ZDHHC14: variants seen among roughly 807,000 people sequenced by gnomAD.
ZDHHC14 encodes palmitoyltransferase ZDHHC14.
In ZDHHC14, 16 loss-of-function variants were observed where a neutral mutation model predicts 47.7. That is an observed-to-expected ratio of 0.34 (90% CI 0.23 to 0.51). The LOEUF (loss-of-function observed/expected upper bound fraction) is 0.51. ZDHHC14 is among the 20% of genes least tolerant of loss of function. ZDHHC14 has a pLI of 0.97. For missense variants in ZDHHC14, 515 were observed against 662.5 expected, an observed-to-expected ratio of 0.78 and a Z score of 2.44; for synonymous variants, 293 against 278.9, an observed-to-expected ratio of 1.05 and a Z score of -0.50.
intron 2 of ZDHHC14, among the ~76,000 whole-genome samples, chr6:157,591,252 T>C (rs1783898332): frequency 6.6e-6 from 1 of 152,136 alleles, no homozygotes; most frequent in African/African-American, 2.4e-5. Flanking sequence ...GACATGAGAT[T>C]TGGGAGGGGC....
chr6:157,457,335 AGTGGGAATGCTAGCTG>A (rs1354470337), intron 1 of ZDHHC14, among the ~76,000 whole-genome samples: 1 of 152,142 alleles, frequency 6.6e-6, no homozygotes, highest in Non-Finnish European at 1.5e-5. Flanking sequence ...GGAGCCCAGG[AGTGGGAATGCTAGCTG>A]GTATTGTAAA....
At chr6:157,456,562 A>C (rs1332027426) in intron 1 of ZDHHC14, among the ~76,000 whole-genome samples, 3 of 152,212 alleles carry the variant, frequency 2.0e-5, no homozygotes, top group Non-Finnish European at 4.4e-5. Context: ...AAAACTGTCA[A>C]GAATTGAGTA....
At chr6:157,560,557 GTT>G (rs562699852) in intron 2 of ZDHHC14, among the ~76,000 whole-genome samples, 21 of 151,364 alleles carry the variant, frequency 1.4e-4, no homozygotes, top group African/African-American at 3.6e-4. Flanking sequence ...ATATAAACAA[GTT>G]TTTTTTTGTG....
intron 1 of ZDHHC14, among the ~76,000 whole-genome samples, chr6:157,423,022 A>C (rs1446453078): frequency 6.6e-6 from 1 of 152,222 alleles, no homozygotes; most frequent in Admixed American, 6.5e-5. Context: ...CGATAAGGAA[A>C]ATGTTTTCCA....
chr6:157,446,599 A>AGT (rs1778674632), intron 1 of ZDHHC14, among the ~76,000 whole-genome samples: 1 of 151,720 alleles, frequency 6.6e-6, no homozygotes, highest in South Asian at 2.1e-4. Flanking sequence ...TAGTAGAGAC[A>AGT]GTGTTTCACC....
intron 2 of ZDHHC14, among the ~76,000 whole-genome samples, chr6:157,583,030 A>G (rs912320107): frequency 2.6e-5 from 4 of 151,780 alleles, no homozygotes; most frequent in African/African-American, 9.7e-5. Flanking sequence ...TTGTGATTTC[A>G]TTATGAAATT....
In ZDHHC14 at chr6:157,592,680, C is replaced by T. The variant is rs1783957305; in HGVS notation, c.407-308C>T. ...GGCCTGGGGCCTCTCCTGCCGCCTA[C>T]AGGGAGGGGAGGGGGAAGGAGGAAA... On this transcript the variant is annotated intron_variant, in intron 2 of 8. Transcript: ENST00000359775. 4 of 1,049,434 alleles carry T rather than the reference C, an allele frequency of 3.8e-6. No homozygotes were observed. In the South Asian group the frequency reaches 1.5e-4, roughly 38 times the overall value. 65.0% of individuals were successfully genotyped at this position (1,049,434 alleles called of 1,614,324 possible).
At chr6:157,465,395 T>C (rs920495058) in intron 1 of ZDHHC14, among the ~76,000 whole-genome samples, 13 of 152,106 alleles carry the variant, frequency 8.5e-5, no homozygotes, top group African/African-American at 1.2e-4. Context: ...ATCAGATCCC[T>C]TGGGGGACAG....
At chr6:157,501,439 G>A (rs980517922) in intron 1 of ZDHHC14, among the ~76,000 whole-genome samples, 1 of 151,574 alleles carries the variant, frequency 6.6e-6, no homozygotes, top group African/African-American at 2.4e-5. Context: ...GGAATCTGTT[G>A]TATTCTAAAT....
chr6:157,392,844 C>T (rs1283366287), intron 1 of ZDHHC14, among the ~76,000 whole-genome samples: 1 of 152,104 alleles, frequency 6.6e-6, no homozygotes, highest in Non-Finnish European at 1.5e-5. Flanking sequence ...CTTTCAACTG[C>T]AATGGCACTT....
At chr6:157,668,514 A>C in intron 8 of ZDHHC14, among the ~76,000 whole-genome samples, 1 of 125,844 alleles carries the variant, frequency 7.9e-6, no homozygotes, top group Non-Finnish European at 1.6e-5. Flanking sequence ...TAAAACCCCC[A>C]TCTCCACTAA....
intron 3 of ZDHHC14, among the ~76,000 whole-genome samples, chr6:157,609,489 T>C (rs113271551): frequency 2.6e-5 from 4 of 152,214 alleles, no homozygotes; most frequent in Non-Finnish European, 5.9e-5. Context: ...CTTCCCATCA[T>C]CATCTCTCTC....
intron 8 of ZDHHC14, among the ~76,000 whole-genome samples, chr6:157,665,486 C>T (rs1778514580): frequency 6.6e-6 from 1 of 152,142 alleles, no homozygotes; most frequent in African/African-American, 2.4e-5. Context: ...AAAGAGGCCC[C>T]AGGTATCTTT....
intron 1 of ZDHHC14, among the ~76,000 whole-genome samples, chr6:157,466,385 T>G (rs565096023): frequency 1.3e-5 from 2 of 152,276 alleles, no homozygotes; most frequent in South Asian, 2.1e-4. Flanking sequence ...TCCCTGGCCA[T>G]TGTGGATTCC....
At chr6:157,412,212 TAC>T (rs1163413411) in intron 1 of ZDHHC14, among the ~76,000 whole-genome samples, 1 of 152,078 alleles carries the variant, frequency 6.6e-6, no homozygotes, top group Non-Finnish European at 1.5e-5. Flanking sequence ...GTGCTGGGAT[TAC>T]AGACGTGAGC....
chr6:157,610,311 G>T (rs35488863), intron 3 of ZDHHC14, among the ~76,000 whole-genome samples: 75,023 of 151,888 alleles, frequency 0.49, 18,788 homozygotes, highest in East Asian at 0.7. Flanking sequence ...AGGTGCCTGT[G>T]GTCCCAGCTA....
At position 157,677,096 on chromosome 6, in the gene ZDHHC14, AAG is replaced by A. The variant is rs1467966382; in HGVS notation, c.*3975_*3976del. The A allele has an allele frequency of 7.9e-5, 12 of 152,192 alleles. No individual in the cohort carries two copies. Among genetic ancestry groups the A allele is most frequent in the African/African-American group, 2.7e-4 (11 of 41,448 alleles). 9.4% of individuals were successfully genotyped at this position (152,192 alleles called of 1,614,324 possible). On this transcript the variant is annotated 3_prime_UTR_variant, in exon 9 of 9. Coordinates refer to ENST00000359775, the MANE Select transcript of ZDHHC14 (RefSeq NM_024630.3). ...CAAATTGATGTTTACATTTTCTATC[AAG>A]TACACATGAGCTGTGGGAGTCTAGC...
chr6:157,605,126 A>G (rs1784487404), intron 3 of ZDHHC14, among the ~76,000 whole-genome samples: 1 of 152,262 alleles, frequency 6.6e-6, no homozygotes, highest in African/African-American at 2.4e-5. Context: ...ATAGTGAATA[A>G]TAACCCATGT....
At chr6:157,590,294 C>T (rs1783858688) in intron 2 of ZDHHC14, among the ~76,000 whole-genome samples, 1 of 152,180 alleles carries the variant, frequency 6.6e-6, no homozygotes, top group Non-Finnish European at 1.5e-5. Flanking sequence ...GTCTCCAGAG[C>T]ATGTCAGAGA....
Sources: allele counts gnomAD v4.1 joint callset (sites outside exome capture counted in the v4.1 genomes callset), GRCh38; gene constraint gnomAD v4.1.1; transcripts MANE v1.5; gene names NCBI Gene and HGNC (gene_info 2026-07-23, HGNC 2026-07-21).